GNAT2: variants seen among roughly 807,000 people sequenced by gnomAD.
GNAT2 encodes G protein subunit alpha transducin 2.
Under a neutral mutation model 40.9 loss-of-function variants are expected in GNAT2, and 32 were observed. The observed-to-expected ratio is 0.78, with a 90% CI of 0.59 to 1.05. GNAT2 has a LOEUF of 1.05. Ranked by LOEUF, GNAT2 falls within the 50% of genes least tolerant of loss-of-function variation. The probability of loss-of-function intolerance (pLI) is 0.00; values close to 1 mark genes in which losing one functional copy is unlikely to be tolerated. For missense variants in GNAT2, 355 were observed against 431.5 expected (o/e 0.82, Z 1.57); for synonymous variants, 141 against 157.2 (o/e 0.90, Z 0.77).
intron 3 of GNAT2, 123 bp downstream of exon 3, chr1:109,610,342 T>G (rs1314259720): frequency 3.3e-6 from 4 of 1,195,406 alleles, no homozygotes; most frequent in Non-Finnish European, 5.0e-6. Context: ...ATGAGGGGCA[T>G]TGGAATCAGA....
At position 109,606,289 on chromosome 1, in the gene GNAT2, T is replaced by C; in HGVS notation, c.590+19A>G. 6.2e-7 allele frequency: 1 copy of C among 1,613,310 alleles called. No homozygotes were observed. The highest frequency in any genetic ancestry group is 1.3e-5 in the African/African-American group (1 of 75,030). On this transcript the variant is annotated intron_variant, in intron 6 of 8. Transcript: ENST00000679935. ...TTCCACACGTGTATCCGAGATGCCCTAGGGAACCATGCACTTACCTGAAAT... is the reference window on the plus strand; with the variant it reads ...TTCCACACGTGTATCCGAGATGCCCCAGGGAACCATGCACTTACCTGAAAT...
At position 109,603,952 on chromosome 1, in the gene GNAT2, A is replaced by C; in HGVS notation, c.873T>G (p.Asp291Glu). 1 of 1,600,218 alleles carries C rather than the reference A, an allele frequency of 6.2e-7. No individual in the cohort carries two copies. Among genetic ancestry groups the C allele is most frequent in the Non-Finnish European group, 8.6e-7 (1 of 1,167,916 alleles). Reference protein sequence around the residue: ...VHLSICFPEYDGNNSYDDAGN... With the variant: ...VHLSICFPEYEGNNSYDDAGN... ...TTATTTCCAGCCCCTGACACTTACCATCATACTCTGGAAAACAAATGCTGA... is the reference window on the plus strand; with the variant it reads ...TTATTTCCAGCCCCTGACACTTACCCTCATACTCTGGAAAACAAATGCTGA... The change falls in exon 8 of 9, where the codon GAT becomes GAG. Residue 291 changes from aspartate to glutamate, a missense_variant and splice_region_variant. Physicochemically the swap from Asp to Glu is conservative, Grantham distance 45. Coordinates refer to ENST00000679935, the MANE Select transcript of GNAT2 (RefSeq NM_001377295.2).
chr1:109,604,190 C>T lies in GNAT2; in HGVS notation c.721-86G>A, dbSNP rs1649524726. On this transcript the variant is annotated intron_variant, in intron 7 of 8. Coordinates refer to ENST00000679935, the MANE Select transcript of GNAT2 (RefSeq NM_001377295.2). ...CCTGCTCTTGTTCCCCTTGGAGAGA[C>T]CAGTGCTCCAAATGTAAAAAGCAAG... The T allele has an allele frequency of 3.0e-5, 31 of 1,029,444 alleles. No individual in the cohort carries two copies. The South Asian group carries it at 3.4e-4, about 11-fold the overall frequency. 63.8% of individuals were successfully genotyped at this position (1,029,444 alleles called of 1,614,324 possible). A position where few individuals can be genotyped will look rare whatever the true frequency, so the allele number is the denominator to read the frequency against.
intron 2 of GNAT2, chr1:109,612,289 G>T: frequency 4.8e-6 from 1 of 208,518 alleles, no homozygotes; most frequent in South Asian, 7.6e-5. Context: ...ACTATACTTG[G>T]CAAAAACCAG....
Position 109,603,763 on chromosome 1 carries a change from T to C in GNAT2, c.874+188A>G, listed in dbSNP as rs1024543819. ...CTTTCCACCTTTGGTTTTCAGTAGG[T>C]ATCATATGAAGTCAGTGGCTCTCCT... is the stretch of plus-strand genomic sequence containing the variant. On this transcript the variant is annotated intron_variant, in intron 8 of 8. Coordinates refer to ENST00000679935, the MANE Select transcript of GNAT2 (RefSeq NM_001377295.2). 6.0e-6 allele frequency: 4 copies of C among 664,086 alleles called. No homozygotes were observed. The African/African-American group carries it at 7.2e-5, about 12-fold the overall frequency. The allele number at this position is 664,086 out of a possible 1,614,324, so 41.1% of individuals were successfully genotyped here. A position where few individuals can be genotyped will look rare whatever the true frequency, so the allele number is the denominator to read the frequency against.
At chr1:109,616,610 G>C (rs758657990) in intron 1 of GNAT2, 1 of 152,232 alleles carries the variant, frequency 6.6e-6, no homozygotes, top group Admixed American at 6.5e-5. Context: ...TACTGCAGTA[G>C]TGCTGGGAAA....
intron 1 of GNAT2, chr1:109,614,332 C>G (rs1384073777): frequency 6.6e-6 from 1 of 152,212 alleles, no homozygotes; most frequent in Non-Finnish European, 1.5e-5. Flanking sequence ...TTCCTCAAGT[C>G]TTAGGTGCCA....
intron 1 of GNAT2, chr1:109,613,447 G>T: frequency 6.0e-6 from 1 of 166,972 alleles, no homozygotes; most frequent in Admixed American, 5.5e-5. Flanking sequence ...TTTGTTTTGG[G>T]TGGTGCCCTT....
At chr1:109,603,714 T>G in intron 8 of GNAT2, 170 bp from the exon 9 acceptor site, 1 of 674,914 alleles carries the variant, frequency 1.5e-6, no homozygotes, top group South Asian at 1.7e-5. Flanking sequence ...TCACTTTAGT[T>G]GAAAAGAAAT....
rs1272384896 is a variant in GNAT2, at chr1:109,612,674, G to T, written c.118+79C>A. 6.9e-6 allele frequency: 6 copies of T among 865,884 alleles called. No individual in the cohort carries two copies. In the African/African-American group the frequency reaches 8.2e-5, roughly 12 times the overall value. The allele number at this position is 865,884 out of a possible 1,614,324, so 53.6% of individuals were successfully genotyped here. ...ACCTGCCACCCTTCCTTCCCATGGG[G>T]TGAGGTAGAACCCACCAACCCTTCA... On this transcript the variant is annotated intron_variant, in intron 2 of 8. Coordinates refer to ENST00000679935, the MANE Select transcript of GNAT2 (RefSeq NM_001377295.2).
rs754570281 is a variant in GNAT2 at position 109,604,000 on chromosome 1, C to T, written c.825G>A (p.Glu275=). ...VLFLNKKDLF[E]EKIKKVHLSI... ...TGAGATGGACTTTCTTGATTTTTTC[C>T]TCAAAGAGGTCCTTCTTGTTGAGAA... Residue 275 remains glutamate, a synonymous_variant, in exon 8 of 9, where the codon GAG becomes GAA. Coordinates refer to ENST00000679935, the MANE Select transcript of GNAT2 (RefSeq NM_001377295.2). 3.7e-6 allele frequency: 6 copies of T among 1,610,876 alleles called. No homozygotes were observed. Among genetic ancestry groups the T allele is most frequent in the African/African-American group, 1.3e-5 (1 of 74,832 alleles).
At position 109,604,121 on chromosome 1, in the gene GNAT2, C is replaced by G. The variant is rs1243383173; in HGVS notation, c.721-17G>C. The stretch of plus-strand genomic sequence containing the variant: ...CATACGATTCTAGTAAGAGGAAACA[C>G]CATTGGAAATATCAGATTTGGCTTA... On this transcript the variant is annotated splice_polypyrimidine_tract_variant and intron_variant, in intron 7 of 8. Transcript: ENST00000679935. The G allele has an allele frequency of 6.3e-7, 1 of 1,598,368 alleles. No homozygotes were observed.
rs1649835619 is a variant in GNAT2, at chr1:109,612,761, A to G, written c.110T>C (p.Leu37Pro). Reference protein sequence around the residue: ...ADKEAKTVKLLLLGAGESGKS... With the variant: ...ADKEAKTVKLPLLGAGESGKS... The stretch of plus-strand genomic sequence containing the variant: ...CTTCCCATCTCACTCACCCAGCAGT[A>G]GCAGCTTGACAGTCTTGGCTTCCTT... The change falls in exon 2 of 9, where the codon CTA (leucine) becomes CCA (proline). Residue 37 changes from leucine to proline, a missense_variant. Leu to Pro is a moderately conservative substitution (Grantham distance 98, BLOSUM62 -3). Transcript: ENST00000679935. 1 of 1,583,152 alleles carries G rather than the reference A, an allele frequency of 6.3e-7. No individual in the cohort carries two copies. Among genetic ancestry groups the G allele is most frequent in the East Asian group, 2.2e-5 (1 of 44,740 alleles).
intron 5 of GNAT2, chr1:109,607,542 C>G (rs1649649730): frequency 6.6e-6 from 1 of 151,882 alleles, no homozygotes; most frequent in African/African-American, 2.4e-5. Flanking sequence ...CTATTGTATG[C>G]CAGGCATTTT....
At chr1:109,612,103 AC>A in intron 2 of GNAT2, 1 of 157,358 alleles carries the variant, frequency 6.4e-6, no homozygotes, top group African/African-American at 2.4e-5. Context: ...TTTTCTCAGC[AC>A]AGACCAGTGA....
intron 6 of GNAT2, 41 bp from the exon 7 acceptor site, chr1:109,606,140 T>TA: frequency 6.2e-7 from 1 of 1,611,524 alleles, no homozygotes; most frequent in Non-Finnish European, 8.5e-7. Flanking sequence ...ATGCCCAACA[T>TA]ACGACCTATA....
chr1:109,608,484 A>G, intron 5 of GNAT2, 147 bp downstream of exon 5: 2 of 776,296 alleles, frequency 2.6e-6, no homozygotes, highest in South Asian at 2.8e-5. Context: ...GAAGCCTAAC[A>G]AAACAGATCC....
chr1:109,611,583 T>G (rs528333658), intron 2 of GNAT2: 3 of 152,182 alleles, frequency 2.0e-5, no homozygotes, highest in Non-Finnish European at 4.4e-5. Context: ...TGTCCTAATG[T>G]CCTCATTCAC....
At chr1:109,604,309 G>A in intron 7 of GNAT2, 1 of 585,722 alleles carries the variant, frequency 1.7e-6, no homozygotes, top group African/African-American at 1.9e-5. Context: ...TGTGACTTGT[G>A]GAAAATTATT....
Sources: allele counts gnomAD v4.1 joint callset, GRCh38; gene constraint gnomAD v4.1.1; transcripts MANE v1.5; gene names NCBI Gene and HGNC (gene_info 2026-07-23, HGNC 2026-07-21).